Variants in AGBL4 observed in about 807,000 individuals in gnomAD.
AGBL4 encodes AGBL carboxypeptidase 4.
Under a neutral mutation model 66.4 loss-of-function variants are expected in AGBL4, and 58 were observed. The observed-to-expected ratio is 0.87, with a 90% CI of 0.71 to 1.09. The LOEUF (loss-of-function observed/expected upper bound fraction) is 1.09. Among genes scored for constraint, AGBL4 ranks in the 50% least tolerant of loss-of-function variants. AGBL4 has a pLI of 0.00. For missense variants in AGBL4, 579 were observed against 631.0 expected, an observed-to-expected ratio of 0.92 and a Z score of 0.88; for synonymous variants, 234 against 222.9, an observed-to-expected ratio of 1.05 and a Z score of -0.44.
chr1:49,290,146 T>C (rs912406998), intron 3 of AGBL4, among the ~76,000 whole-genome samples: 2 of 152,192 alleles, frequency 1.3e-5, no homozygotes, highest in Non-Finnish European at 2.9e-5. Flanking sequence ...TATTTGTATA[T>C]GTTAGGCTTT....
At chr1:48,766,291 C>A (rs1194828592) in intron 6 of AGBL4, among the ~76,000 whole-genome samples, 1 of 152,144 alleles carries the variant, frequency 6.6e-6, no homozygotes, top group Non-Finnish European at 1.5e-5. Context: ...TGGGAAGGTG[C>A]AGAGCCAAGA....
At chr1:49,535,069 A>G (rs1368058180) in intron 3 of AGBL4, among the ~76,000 whole-genome samples, 4 of 152,162 alleles carry the variant, frequency 2.6e-5, no homozygotes, top group Non-Finnish European at 4.4e-5. Context: ...TTTGTCTTCA[A>G]TATTGACACT....
chr1:49,762,332 G>A (rs1277544658), intron 2 of AGBL4, among the ~76,000 whole-genome samples: 1 of 151,762 alleles, frequency 6.6e-6, no homozygotes, highest in African/African-American at 2.4e-5. Flanking sequence ...TAGTGATGCT[G>A]AATATTTTTT....
At chr1:48,802,619 A>G (rs1328875539) in intron 6 of AGBL4, among the ~76,000 whole-genome samples, 1 of 152,192 alleles carries the variant, frequency 6.6e-6, no homozygotes, top group Non-Finnish European at 1.5e-5. Flanking sequence ...CTTCACATGC[A>G]TAATGTCATT....
At chr1:48,639,843 C>A (rs1645726594) in intron 8 of AGBL4, among the ~76,000 whole-genome samples, 1 of 152,188 alleles carries the variant, frequency 6.6e-6, no homozygotes, top group Non-Finnish European at 1.5e-5. Flanking sequence ...GTATGTTCTG[C>A]TTGTGTCCCT....
chr1:49,383,088 C>A (rs534367264), intron 3 of AGBL4, among the ~76,000 whole-genome samples: 1 of 152,192 alleles, frequency 6.6e-6, no homozygotes, highest in South Asian at 2.1e-4. Context: ...ATGAATTTAA[C>A]CAAAGAGGCA....
At chr1:49,829,981 T>C (rs1415507767) in intron 2 of AGBL4, among the ~76,000 whole-genome samples, 1 of 152,160 alleles carries the variant, frequency 6.6e-6, no homozygotes, top group Non-Finnish European at 1.5e-5. Flanking sequence ...TATTCCATGG[T>C]GTATATGTGC....
chr1:49,215,125 C>T (rs949427610), intron 4 of AGBL4, among the ~76,000 whole-genome samples: 88 of 152,052 alleles, frequency 5.8e-4, no homozygotes, highest in South Asian at 2.1e-4. Context: ...CCACAAGGAA[C>T]CTGTCAGAAA....
At position 49,265,735 on chromosome 1, in the gene AGBL4, C is replaced by T. The variant is rs562762069; in HGVS notation, c.283-19871G>A. On this transcript the variant is annotated intron_variant, in intron 3 of 13. Transcript: ENST00000371839. ...TATATGTATATAATGTACATATATA[C>T]GTACATGAACCTATACAACTATATA... is the stretch of plus-strand genomic sequence containing the variant. Among the ~76,000 whole-genome samples, 64 of 152,134 alleles carry T rather than the reference C, an allele frequency of 4.2e-4. 1 individual carries two copies. The South Asian group carries it at 6.6e-3, about 16-fold the overall frequency.
At chr1:49,636,258 T>C (rs1011842949) in intron 3 of AGBL4, among the ~76,000 whole-genome samples, 6 of 152,228 alleles carry the variant, frequency 3.9e-5, no homozygotes, top group African/African-American at 1.4e-4. Flanking sequence ...CCAGCAGATC[T>C]GGCATTTGCT....
intron 5 of AGBL4, among the ~76,000 whole-genome samples, chr1:48,968,974 A>G (rs575099807): frequency 6.6e-6 from 1 of 152,308 alleles, no homozygotes; most frequent in Non-Finnish European, 1.5e-5. Context: ...TTTGCAATTT[A>G]AAAAGCTAAA....
chr1:49,041,406 T>G (rs1557588806), intron 5 of AGBL4, among the ~76,000 whole-genome samples: 1 of 152,128 alleles, frequency 6.6e-6, no homozygotes, highest in Non-Finnish European at 1.5e-5. Flanking sequence ...AGAGCTTCCC[T>G]GATCTAGTCC....
Position 48,663,146 on chromosome 1 carries a change from A to G in AGBL4, c.724+6T>C. 1 of 1,613,836 alleles carries G rather than the reference A, an allele frequency of 6.2e-7. No individual in the cohort carries two copies. The highest frequency in any genetic ancestry group is 1.3e-5 in the African/African-American group (1 of 75,020). ...TATAGGATACCTATGAGATCCTGCC[A>G]CTCACCTTGGCACACAAATGATGAG... On this transcript the variant is annotated splice_donor_region_variant and intron_variant, in intron 7 of 13. Coordinates refer to ENST00000371839, the MANE Select transcript of AGBL4 (RefSeq NM_032785.4).
chr1:49,673,452 T>C (rs1217588025), intron 3 of AGBL4, among the ~76,000 whole-genome samples: 4 of 152,190 alleles, frequency 2.6e-5, no homozygotes. Flanking sequence ...ATTTAAAGTG[T>C]ATAATTGCAT....
At chr1:49,503,034 C>A (rs1263672077) in intron 3 of AGBL4, among the ~76,000 whole-genome samples, 1 of 152,078 alleles carries the variant, frequency 6.6e-6, no homozygotes, top group Non-Finnish European at 1.5e-5. Flanking sequence ...CTGAGGGCCC[C>A]TACCATCACA....
chr1:48,591,811 C>T (rs1298664452), intron 9 of AGBL4, among the ~76,000 whole-genome samples: 1 of 152,184 alleles, frequency 6.6e-6, no homozygotes, highest in Non-Finnish European at 1.5e-5. Context: ...CTGCTCTTTA[C>T]TTACACATAT....
At chr1:49,356,823 T>A (rs920752655) in intron 3 of AGBL4, among the ~76,000 whole-genome samples, 1 of 152,184 alleles carries the variant, frequency 6.6e-6, no homozygotes, top group Non-Finnish European at 1.5e-5. Flanking sequence ...AGGAGCTTTG[T>A]TGATACCTGG....
At chr1:49,848,169 A>T (rs368597007) in intron 2 of AGBL4, among the ~76,000 whole-genome samples, 1 of 152,208 alleles carries the variant, frequency 6.6e-6, no homozygotes, top group Non-Finnish European at 1.5e-5. Flanking sequence ...GTTGGTGGGA[A>T]TGTAAATTAG....
chr1:49,979,188 G>A (rs536167123), intron 1 of AGBL4, among the ~76,000 whole-genome samples: 24 of 152,218 alleles, frequency 1.6e-4, no homozygotes, highest in African/African-American at 4.8e-4. Flanking sequence ...CTGGCCGGGC[G>A]CGGTGGCTCA....
Sources: gnomAD v4.1 joint callset for allele counts (sites outside exome capture counted in the v4.1 genomes callset) on GRCh38, gnomAD v4.1.1 for gene constraint, MANE v1.5 for transcripts, NCBI Gene and HGNC (gene_info 2026-07-23, HGNC 2026-07-21) for gene names.